DCUN1D2: variants seen among roughly 807,000 people sequenced by gnomAD.
The protein encoded by DCUN1D2 is DCN1-like protein 2.
Under a neutral mutation model 30.9 loss-of-function variants are expected in DCUN1D2, and 29 were observed. The observed-to-expected ratio is 0.94, with a 90% CI of 0.70 to 1.28. DCUN1D2 has a LOEUF of 1.28. Among genes scored for constraint, DCUN1D2 ranks in the 50% most tolerant of loss-of-function variants. DCUN1D2 has a pLI of 0.00. For missense variants in DCUN1D2, 325 were observed against 316.9 expected (o/e 1.03, Z -0.19); for synonymous variants, 121 against 115.3 (o/e 1.05, Z -0.32).
intron 4 of DCUN1D2, among the ~76,000 whole-genome samples, chr13:113,473,084 T>A (rs1229160749): frequency 7.3e-6 from 1 of 136,616 alleles, no homozygotes; most frequent in Non-Finnish European, 1.6e-5. Flanking sequence ...CGTCTCTCTA[T>A]CCCTCTGTCT....
rs2044244546 is a variant in DCUN1D2 at position 113,457,502 on chromosome 13, A to G, written c.*527T>C. 1 of 152,324 alleles carries G rather than the reference A, an allele frequency of 6.6e-6. No homozygotes were observed. Among genetic ancestry groups the G allele is most frequent in the South Asian group, 2.1e-4 (1 of 4,834 alleles). 9.4% of individuals were successfully genotyped at this position (152,324 alleles called of 1,614,324 possible). On this transcript the variant is annotated 3_prime_UTR_variant, in exon 7 of 7. Coordinates refer to ENST00000478244, the MANE Select transcript of DCUN1D2 (RefSeq NM_001014283.2). ...CTAGATATTTGGTAATTCAAAAAAT[A>G]TAAATCGTGAATTGCTGGCACCAAT...
rs2044311356 is a variant in DCUN1D2, at chr13:113,461,096, A to G, written c.561T>C (p.Ser187=). Residue 187 remains serine, a synonymous_variant, in exon 5 of 7, where the codon TCT becomes TCC. Transcript: ENST00000478244. ...MAVAYWKLVL[S]GRFKFLDLWN... is the part of the protein sequence containing the mutation. ...AGAGATCTAAAAATTTAAACCTTCC[A>G]GATAACACTAATTTCCAATACGCAA... The G allele has an allele frequency of 1.2e-6, 2 of 1,611,564 alleles. No individual in the cohort carries two copies. Among genetic ancestry groups the G allele is most frequent in the Non-Finnish European group, 8.5e-7 (1 of 1,178,332 alleles).
At chr13:113,463,536 A>AAAAAAC (rs1039532639) in intron 4 of DCUN1D2, among the ~76,000 whole-genome samples, 3 of 152,108 alleles carry the variant, frequency 2.0e-5, no homozygotes, top group East Asian at 1.9e-4. Flanking sequence ...CTTTAAAAAA[A>AAAAAAC]AAAAACAAAA....
intron 4 of DCUN1D2, among the ~76,000 whole-genome samples, chr13:113,464,095 T>C (rs2044363512): frequency 1.3e-5 from 2 of 152,252 alleles, no homozygotes; most frequent in African/African-American, 2.4e-5. Context: ...GTATAATCTA[T>C]TTGAAGTGTT....
chr13:113,470,375 A>G (rs989903398), intron 4 of DCUN1D2, among the ~76,000 whole-genome samples: 1 of 152,258 alleles, frequency 6.6e-6, no homozygotes, highest in Non-Finnish European at 1.5e-5. Context: ...TATCGCTGCC[A>G]TTATGTGACA....
intron 4 of DCUN1D2, among the ~76,000 whole-genome samples, chr13:113,472,143 T>A (rs2044529658): frequency 6.7e-6 from 1 of 150,144 alleles, no homozygotes; most frequent in Admixed American, 6.6e-5. Flanking sequence ...GGCTAACACA[T>A]CACCATGGAT....
rs1360975057 is a variant in DCUN1D2 at position 113,474,168 on chromosome 13, T to C, written c.476A>G (p.Gln159Arg). Residue 159 changes from glutamine (Q) to arginine (R), a missense_variant, in exon 4 of 7, where the codon CAG (glutamine) becomes CGG (arginine). By Grantham distance (43) the Gln-to-Arg change is conservative. Transcript: ENST00000478244. The stretch of plus-strand genomic sequence containing the variant: ...GTTCTTAGCGAAGGTGAAGGTAAAC[T>C]GATAAAAATCTTTAAACTTGGCTGT... ...KDTAKFKDFYQFTFTFAKNPG... is the reference protein window; with the variant it reads ...KDTAKFKDFYRFTFTFAKNPG... 6.2e-7 allele frequency: 1 copy of C among 1,614,066 alleles called. No individual in the cohort carries two copies. Among genetic ancestry groups the C allele is most frequent in the African/African-American group, 1.3e-5 (1 of 74,950 alleles).
chr13:113,463,440 A>G (rs1456320810), intron 4 of DCUN1D2, among the ~76,000 whole-genome samples: 3 of 151,990 alleles, frequency 2.0e-5, no homozygotes, highest in Non-Finnish European at 4.4e-5. Context: ...ACCTGTAATC[A>G]TAGCACTTTA....
intron 4 of DCUN1D2, among the ~76,000 whole-genome samples, chr13:113,472,585 C>T (rs1256076384): frequency 6.6e-6 from 1 of 152,192 alleles, no homozygotes; most frequent in East Asian, 1.9e-4. Flanking sequence ...GCACTCGCCC[C>T]CGAGGTCATC....
rs1047896616 is a variant in DCUN1D2 at position 113,488,552 on chromosome 13, A to G, written c.3+2115T>C. On this transcript the variant is annotated intron_variant, in intron 1 of 6. Transcript: ENST00000478244. The surrounding 1 kb of genome is among the most constrained non-coding windows in gnomAD (Gnocchi z 4.3). ...AAAGGCTCGTCAACTAAAAAACTAC[A>G]GGGGAGAGAAGGAAGCCGAGTCCCT... Among the ~76,000 whole-genome samples the G allele has an allele frequency of 3.9e-5, 6 of 152,344 alleles. No homozygotes were observed. The highest frequency in any genetic ancestry group is 7.4e-5 in the Non-Finnish European group (5 of 68,024).
rs9577276 is a variant in DCUN1D2, at chr13:113,462,081, C to T, written c.521-945G>A. Among the ~76,000 whole-genome samples the T allele has an allele frequency of 8.4e-3, 1,276 of 151,468 alleles. 39 individuals carry two copies. The East Asian group carries it at 0.11, about 13-fold the overall frequency. On this transcript the variant is annotated intron_variant, in intron 4 of 6. Transcript: ENST00000478244. ...CAGCCTGACCAACATGGAGAAACCC[C>T]GTCTCTACTAAAAATACAAAATTAG...
intron 4 of DCUN1D2, among the ~76,000 whole-genome samples, chr13:113,465,786 C>A (rs2044392240): frequency 6.6e-6 from 1 of 151,988 alleles, no homozygotes; most frequent in African/African-American, 2.4e-5. Flanking sequence ...CTTGCCTCAG[C>A]CTCCTGAGTA....
intron 4 of DCUN1D2, among the ~76,000 whole-genome samples, chr13:113,472,730 G>C (rs2044543439): frequency 6.6e-6 from 1 of 152,200 alleles, no homozygotes; most frequent in Non-Finnish European, 1.5e-5. Context: ...AGCAAGGCTG[G>C]AGGTCTCGAC....
intron 4 of DCUN1D2, among the ~76,000 whole-genome samples, chr13:113,470,618 C>T (rs773477589): frequency 1.2e-4 from 18 of 145,226 alleles, no homozygotes; most frequent in Middle Eastern, 4.2e-3. Context: ...CACAAGGGAC[C>T]CAACTCCACA....
intron 1 of DCUN1D2, among the ~76,000 whole-genome samples, chr13:113,485,871 T>G (rs995940277): frequency 6.6e-6 from 1 of 151,988 alleles, no homozygotes; most frequent in Non-Finnish European, 1.5e-5. Context: ...TCTCACAGAG[T>G]GCACAGCAGA....
At chr13:113,489,767 T>C (rs905078630) in intron 1 of DCUN1D2, among the ~76,000 whole-genome samples, 2 of 152,114 alleles carry the variant, frequency 1.3e-5, no homozygotes, top group African/African-American at 4.8e-5. Context: ...ACCTCACTTT[T>C]TCTCTGGCTA....
rs999376961 is a variant in DCUN1D2 at position 113,456,397 on chromosome 13, T to C, written c.*1632A>G. ...AAGCACACTAACCTCAGCCATCAGA[T>C]GTTCCTGAAGCCCAGGGTAAGTCCT... is the stretch of plus-strand genomic sequence containing the variant. On this transcript the variant is annotated 3_prime_UTR_variant, in exon 7 of 7. Coordinates refer to ENST00000478244, the MANE Select transcript of DCUN1D2 (RefSeq NM_001014283.2). The C allele has an allele frequency of 2.5e-6, 1 of 398,874 alleles. No homozygotes were observed. The highest frequency in any genetic ancestry group is 4.4e-6 in the Non-Finnish European group (1 of 226,200). The allele number at this position is 398,874 out of a possible 1,614,324, so 24.7% of individuals were successfully genotyped here.
intron 4 of DCUN1D2, among the ~76,000 whole-genome samples, chr13:113,472,040 C>T (rs952640735): frequency 3.3e-5 from 5 of 152,054 alleles, no homozygotes; most frequent in Non-Finnish European, 7.4e-5. Flanking sequence ...CCCAACCCCG[C>T]CCTTTTCTTT....
At chr13:113,474,573 G>A (rs954037902) in intron 3 of DCUN1D2, among the ~76,000 whole-genome samples, 10 of 152,206 alleles carry the variant, frequency 6.6e-5, no homozygotes, top group African/African-American at 2.4e-4. Flanking sequence ...TTCGATCTCA[G>A]TAAAATTATT....
Sources: gnomAD v4.1 joint callset for allele counts (sites outside exome capture counted in the v4.1 genomes callset) on GRCh38, gnomAD v4.1.1 for gene constraint, Gnocchi (gnomAD v3.1) non-coding constraint, MANE v1.5 for transcripts, NCBI Gene and HGNC (gene_info 2026-07-23, HGNC 2026-07-21) for gene names.